Variants in CORO2A observed in about 807,000 individuals in gnomAD.
The protein encoded by CORO2A is coronin 2A, also known as coronin-2A.
CORO2A carries 47 observed loss-of-function variants against 62.4 expected under a neutral mutation model. The observed-to-expected ratio is 0.75, with a 90% CI of 0.60 to 0.96. CORO2A has a LOEUF of 0.96. CORO2A is among the 40% of genes least tolerant of loss of function. The pLI is 0.00. For synonymous variants in CORO2A, 273 were observed against 268.9 expected, an observed-to-expected ratio of 1.02 and a Z score of -0.15; for missense variants, 610 against 684.1, an observed-to-expected ratio of 0.89 and a Z score of 1.21.
intron 2 of CORO2A, among the ~76,000 whole-genome samples, chr9:98,154,329 G>GTGTGTATATATATATATATA (rs1439685527): frequency 2.2e-5 from 2 of 88,960 alleles, no homozygotes; most frequent in African/African-American, 5.4e-5. Context: ...GTGTTTGTGT[G>GTGTGTATATATATATATATA]TATATATATA....
chr9:98,171,757 G>A (rs562929197), intron 1 of CORO2A, among the ~76,000 whole-genome samples: 74 of 152,042 alleles, frequency 4.9e-4, no homozygotes, highest in African/African-American at 1.6e-3. Flanking sequence ...AGCTTGCAGC[G>A]CGGGGGTGGG....
At chr9:98,137,477 C>A in intron 3 of CORO2A, 95 bp downstream of exon 3, 1 of 980,866 alleles carries the variant, frequency 1.0e-6, no homozygotes, top group South Asian at 1.3e-5. Context: ...GCGATGGAGT[C>A]AGGGGCACCA....
At chr9:98,126,386 C>T (rs2231672) in intron 11 of CORO2A, among the ~76,000 whole-genome samples, 163 bp downstream of exon 11, 1,596 of 152,222 alleles carry the variant, frequency 0.01, 21 homozygotes, top group African/African-American at 0.036. Context: ...GAGCTCACTG[C>T]CTGTTTGTTG....
chr9:98,183,088 C>T (rs565996553), intron 1 of CORO2A, among the ~76,000 whole-genome samples: 8 of 152,348 alleles, frequency 5.3e-5, no homozygotes, highest in Middle Eastern at 6.8e-3. Flanking sequence ...CAGAGCTTCA[C>T]GGAATTTGAA....
intron 2 of CORO2A, among the ~76,000 whole-genome samples, chr9:98,149,921 T>C (rs546530681): frequency 5.4e-5 from 8 of 147,586 alleles, no homozygotes; most frequent in Non-Finnish European, 1.2e-4. Context: ...ACAAGTGAGT[T>C]TCTTTTTCTC....
chr9:98,124,014 C>CT lies in CORO2A; in HGVS notation c.*759dup, dbSNP rs111467436. 0.27 allele frequency: 36,453 copies of CT among 134,398 alleles called. 5,271 individuals are homozygous for CT. Among genetic ancestry groups the CT allele is most frequent in the African/African-American group, 0.36 (13,116 of 35,978 alleles). The allele number at this position is 134,398 out of a possible 1,614,324, so 8.3% of individuals were successfully genotyped here. A position where few individuals can be genotyped will look rare whatever the true frequency, so the allele number is the denominator to read the frequency against. ...CCATGTTGGCCAGGCTGGTTTCTTTCTTTTTTTTTTTTTTTTGAGACAGAC... is the reference window on the plus strand; with the variant it reads ...CCATGTTGGCCAGGCTGGTTTCTTTCTTTTTTTTTTTTTTTTTGAGACAGAC... On this transcript the variant is annotated 3_prime_UTR_variant, in exon 12 of 12. Transcript: ENST00000375077.
chr9:98,126,692 C>A lies in CORO2A; in HGVS notation c.1303G>T (p.Ala435Ser), dbSNP rs774816361. Residue 435 changes from alanine to serine, a missense_variant, in exon 11 of 12, where the codon GCA becomes TCA. Coordinates refer to ENST00000375077, the MANE Select transcript of CORO2A (RefSeq NM_052820.4). ...GAGGAAGACCTCCAGCCATCTTCTG[C>A]AGCCAGCTTTTCTGTCTGATTCAAG... ...RLLNQTEKLA[A>S]EDGWRSSSLL... 6.2e-7 allele frequency: 1 copy of A among 1,614,210 alleles called. No individual in the cohort carries two copies. Among genetic ancestry groups the A allele is most frequent in the Non-Finnish European group, 8.5e-7 (1 of 1,180,046 alleles).
intron 2 of CORO2A, among the ~76,000 whole-genome samples, chr9:98,152,489 T>TA (rs898391050): frequency 7.2e-5 from 11 of 151,902 alleles, no homozygotes; most frequent in African/African-American, 2.7e-4. Context: ...GGGGTTTCTC[T>TA]ATGTTGCTGG....
chr9:98,133,223 T>C lies in CORO2A; in HGVS notation c.469-6A>G, dbSNP rs920963119. On this transcript the variant is annotated splice_polypyrimidine_tract_variant and splice_region_variant and intron_variant, in intron 4 of 11. Coordinates refer to ENST00000375077, the MANE Select transcript of CORO2A (RefSeq NM_052820.4). Reference sequence around the variant, plus strand: ...TCCAGGTTCCAGATCATCACCTGCATGGCAGAGAGCCAGCTCTGAGCACAG... The same window carrying C: ...TCCAGGTTCCAGATCATCACCTGCACGGCAGAGAGCCAGCTCTGAGCACAG... 2.5e-6 allele frequency: 4 copies of C among 1,614,142 alleles called. No homozygotes were observed. The highest frequency in any genetic ancestry group is 3.4e-6 in the Non-Finnish European group (4 of 1,179,978).
intron 1 of CORO2A, among the ~76,000 whole-genome samples, chr9:98,189,471 C>T (rs972176030): frequency 6.6e-6 from 1 of 152,222 alleles, no homozygotes; most frequent in Admixed American, 6.5e-5. Context: ...AAGGCTGAAA[C>T]CCCTCGGTGG....
At chr9:98,130,310 C>T (rs1474026250) in intron 7 of CORO2A, among the ~76,000 whole-genome samples, 3 of 152,116 alleles carry the variant, frequency 2.0e-5, no homozygotes, top group Non-Finnish European at 4.4e-5. Context: ...TGGCCTTGAA[C>T]TCCTGGGCTC....
At chr9:98,129,193 G>A (rs562840106) in intron 8 of CORO2A, among the ~76,000 whole-genome samples, 1 of 152,298 alleles carries the variant, frequency 6.6e-6, no homozygotes, top group East Asian at 1.9e-4. Flanking sequence ...CAAAGTGCTG[G>A]ATTAGCTGAA....
intron 1 of CORO2A, among the ~76,000 whole-genome samples, chr9:98,179,197 A>T (rs1219664535): frequency 6.6e-6 from 1 of 152,016 alleles, no homozygotes; most frequent in Admixed American, 6.6e-5. Flanking sequence ...CTGGGAAGAA[A>T]CCCTTCCCTA....
intron 2 of CORO2A, among the ~76,000 whole-genome samples, chr9:98,155,683 T>C (rs1262905268): frequency 6.6e-6 from 1 of 152,190 alleles, no homozygotes; most frequent in Non-Finnish European, 1.5e-5. Context: ...GACTATTCCT[T>C]TAAAGAACTA....
At chr9:98,135,898 G>A (rs1216214679) in intron 3 of CORO2A, among the ~76,000 whole-genome samples, 2 of 152,180 alleles carry the variant, frequency 1.3e-5, no homozygotes, top group Non-Finnish European at 2.9e-5. Flanking sequence ...AACCCCGGGA[G>A]GAAGACACAC....
chr9:98,173,409 G>T (rs1445112353), intron 1 of CORO2A, among the ~76,000 whole-genome samples: 8 of 152,222 alleles, frequency 5.3e-5, no homozygotes, highest in African/African-American at 1.9e-4. Context: ...CTGCAGAGCA[G>T]CGGCGTCAGT....
chr9:98,171,606 G>A (rs1462311291), intron 1 of CORO2A, among the ~76,000 whole-genome samples: 3 of 152,152 alleles, frequency 2.0e-5, no homozygotes, highest in Non-Finnish European at 4.4e-5. Context: ...GGAAGTCAGG[G>A]AGGGCCCCCG....
intron 1 of CORO2A, among the ~76,000 whole-genome samples, chr9:98,160,980 T>C (rs535806939): frequency 1.3e-5 from 2 of 152,320 alleles, no homozygotes; most frequent in South Asian, 4.1e-4. Flanking sequence ...GGTGCATCTA[T>C]AAGGTAGTTG....
At position 98,126,652 on chromosome 9, in the gene CORO2A, T is replaced by G; in HGVS notation, c.1343A>C (p.Lys448Thr). 1 of 1,614,262 alleles carries G rather than the reference T, an allele frequency of 6.2e-7. No homozygotes were observed. The highest frequency in any genetic ancestry group is 8.5e-7 in the Non-Finnish European group (1 of 1,180,048). ...GWRSSSLLEE[K>T]MPRWAAEHRL... is the part of the protein sequence containing the mutation. Reference sequence around the variant, plus strand: ...GTGTTCTGCTGCCCACCTTGGCATCTTCTCCTCCAACAGGGAGGAAGACCT... The same window carrying G: ...GTGTTCTGCTGCCCACCTTGGCATCGTCTCCTCCAACAGGGAGGAAGACCT... Residue 448 changes from lysine (K) to threonine (T), a missense_variant, in exon 11 of 12, where the codon AAG (lysine) becomes ACG (threonine). Coordinates refer to ENST00000375077, the MANE Select transcript of CORO2A (RefSeq NM_052820.4).
Sources: gnomAD v4.1 joint callset for allele counts (sites outside exome capture counted in the v4.1 genomes callset) on GRCh38, gnomAD v4.1.1 for gene constraint, MANE v1.5 for transcripts, NCBI Gene and HGNC (gene_info 2026-07-23, HGNC 2026-07-21) for gene names.